The following BCL2L13 variants were observed in gnomAD, a reference collection of about 807,000 sequenced individuals.
BCL2L13 encodes bcl-2-like protein 13.
A neutral mutation model predicts 25.8 loss-of-function variants in BCL2L13; 13 were observed. The observed-to-expected ratio is 0.50, with a 90% CI of 0.33 to 0.80. The LOEUF is 0.80. BCL2L13 is among the 30% of genes least tolerant of loss of function. The pLI is 0.02. For synonymous variants in BCL2L13, 244 were observed against 230.3 expected (o/e 1.06, Z -0.54); for missense variants, 504 against 574.9 (o/e 0.88, Z 1.26).
chr22:17,684,656 C>G (rs2059855630), intron 3 of BCL2L13: 1 of 452,154 alleles, frequency 2.2e-6, no homozygotes, highest in Non-Finnish European at 4.4e-6. Flanking sequence ...CTCCATCTCC[C>G]AGGTTCAAAT....
Position 17,717,706 on chromosome 22 carries a change from A to G in BCL2L13, c.601-8971A>G, listed in dbSNP as rs9941958. Among the ~76,000 whole-genome samples the G allele has an allele frequency of 4.8e-3, 725 of 152,292 alleles. 8 individuals are homozygous for G. Among genetic ancestry groups the G allele is most frequent in the African/African-American group, 0.016 (685 of 41,554 alleles). On this transcript the variant is annotated intron_variant, in intron 6 of 6. Transcript: ENST00000317582. ...ATTGGAGAAACCCAATATGATTCCC[A>G]GATTTTTGGCTTAACTTACTGTTTT... is the stretch of plus-strand genomic sequence containing the variant.
chr22:17,637,276 G>A (rs551420141), upstream of BCL2L13, among the ~76,000 whole-genome samples: 4 of 151,734 alleles, frequency 2.6e-5, no homozygotes, highest in African/African-American at 7.2e-5. Context: ...GCATGGTGGT[G>A]GGTGCCTGTA....
At chr22:17,656,899 A>G (rs2058889569) in intron 2 of BCL2L13, among the ~76,000 whole-genome samples, 1 of 151,642 alleles carries the variant, frequency 6.6e-6, no homozygotes. Flanking sequence ...GCTCACTGTA[A>G]CCTCTGCCTC....
At chr22:17,660,631 G>T (rs1043968617) in intron 2 of BCL2L13, among the ~76,000 whole-genome samples, 2 of 145,388 alleles carry the variant, frequency 1.4e-5, no homozygotes, top group African/African-American at 4.9e-5. Flanking sequence ...TGCCACATTG[G>T]CCAGGCTGGT....
At chr22:17,641,759 A>G (rs1266474240) in intron 1 of BCL2L13, among the ~76,000 whole-genome samples, 2 of 148,644 alleles carry the variant, frequency 1.3e-5, no homozygotes, top group East Asian at 2.0e-4. Context: ...GGATTTGCCT[A>G]TTCTGGAGAT....
intron 1 of BCL2L13, among the ~76,000 whole-genome samples, chr22:17,646,953 A>ATTT (rs1242794588): frequency 0.01 from 218 of 21,574 alleles, 1 homozygote; most frequent in African/African-American, 0.01. Flanking sequence ...ATATATATAT[A>ATTT]TATTTTTTTT....
Position 17,695,488 on chromosome 22 carries a change from A to G in BCL2L13, c.387-653A>G, listed in dbSNP as rs571458893. The stretch of plus-strand genomic sequence containing the variant: ...AGGCACACACCATCATGCCTGGCTA[A>G]TTTTTTGTATTTTAGTAGAGACGGG... On this transcript the variant is annotated intron_variant, in intron 4 of 6. Coordinates refer to ENST00000317582, the MANE Select transcript of BCL2L13 (RefSeq NM_015367.4). 1.4e-4 allele frequency among the ~76,000 whole-genome samples: 21 copies of G among 152,094 alleles called. No homozygotes were observed. In the South Asian group the frequency reaches 4.1e-3, roughly 30 times the overall value.
At chr22:17,653,201 A>G (rs897711276) in intron 1 of BCL2L13, among the ~76,000 whole-genome samples, 3 of 152,180 alleles carry the variant, frequency 2.0e-5, no homozygotes. Context: ...GACTGTCTGT[A>G]TACCCTAAAG....
At chr22:17,646,298 G>A (rs543781834) in intron 1 of BCL2L13, among the ~76,000 whole-genome samples, 1 of 151,560 alleles carries the variant, frequency 6.6e-6, no homozygotes, top group East Asian at 1.9e-4. Flanking sequence ...CCAGGCTGGA[G>A]TGCAATGGCA....
At chr22:17,691,878 G>T (rs1393780339) in intron 4 of BCL2L13, among the ~76,000 whole-genome samples, 1 of 152,224 alleles carries the variant, frequency 6.6e-6, no homozygotes, top group Middle Eastern at 3.4e-3. Flanking sequence ...ATTTAAAGGA[G>T]AATTGGCTTG....
At chr22:17,638,552 A>T, upstream of BCL2L13, 1 of 656,812 alleles carries the variant, frequency 1.5e-6, no homozygotes, top group East Asian at 3.4e-5. Context: ...TCGACTCCGG[A>T]AATGATCTGA....
intron 2 of BCL2L13, among the ~76,000 whole-genome samples, chr22:17,666,039 G>A (rs1460392599): frequency 6.6e-6 from 1 of 152,118 alleles, no homozygotes; most frequent in Non-Finnish European, 1.5e-5. Context: ...ATAAGGAATT[G>A]CTAAACTGTC....
intron 1 of BCL2L13, among the ~76,000 whole-genome samples, chr22:17,641,875 C>T (rs2146393274): frequency 6.7e-6 from 1 of 149,134 alleles, no homozygotes; most frequent in South Asian, 2.2e-4. Context: ...TCTCGACTCA[C>T]TGCAAGCTCC....
In BCL2L13 at chr22:17,660,197, A is replaced by G. The variant is rs1040666255; in HGVS notation, c.121+4365A>G. Among the ~76,000 whole-genome samples, 4 of 146,614 alleles carry G rather than the reference A, an allele frequency of 2.7e-5. 1 individual carries two copies. The highest frequency in any genetic ancestry group is 1.4e-4 in the Admixed American group (2 of 14,692). On this transcript the variant is annotated intron_variant, in intron 2 of 6. Transcript: ENST00000317582. ...TAAAGGAACTGTTAAGTGAAGATCCACTAGTTGTGGGATGGAAAATACTGT... is the reference window on the plus strand; with the variant it reads ...TAAAGGAACTGTTAAGTGAAGATCCGCTAGTTGTGGGATGGAAAATACTGT...
chr22:17,712,381 G>A (rs1324275837), intron 6 of BCL2L13, among the ~76,000 whole-genome samples: 4 of 152,178 alleles, frequency 2.6e-5, no homozygotes, highest in Admixed American at 2.6e-4. Flanking sequence ...AAGCTGCTAA[G>A]CCATAGTATT....
chr22:17,692,077 G>A (rs1200480477), intron 4 of BCL2L13, among the ~76,000 whole-genome samples: 1 of 152,190 alleles, frequency 6.6e-6, no homozygotes, highest in African/African-American at 2.4e-5. Flanking sequence ...GTTGAAGGCA[G>A]TATCGTAAGG....
intron 2 of BCL2L13, among the ~76,000 whole-genome samples, chr22:17,673,146 A>G (rs2059465805): frequency 6.6e-6 from 1 of 152,140 alleles, no homozygotes; most frequent in South Asian, 2.1e-4. Flanking sequence ...GCCTTTACAG[A>G]CTATAAACCT....
At chr22:17,630,895 C>T (rs982967830) in intron 1 of BCL2L13, among the ~76,000 whole-genome samples, 1 of 151,286 alleles carries the variant, frequency 6.6e-6, no homozygotes, top group Non-Finnish European at 1.5e-5. Flanking sequence ...CCAGCCATAA[C>T]CTTTTTTTAA....
chr22:17,642,470 T>C (rs975362943), intron 1 of BCL2L13, among the ~76,000 whole-genome samples: 61 of 152,214 alleles, frequency 4.0e-4, no homozygotes, highest in African/African-American at 1.4e-3. Flanking sequence ...GTCTGGCTTC[T>C]TTCACTTAGC....
Sources: gnomAD v4.1 joint callset for allele counts (sites outside exome capture counted in the v4.1 genomes callset) on GRCh38, gnomAD v4.1.1 for gene constraint, MANE v1.5 for transcripts, NCBI Gene and HGNC (gene_info 2026-07-23, HGNC 2026-07-21) for gene names.